Variants in SENP8 observed in about 807,000 individuals in gnomAD.
The protein encoded by SENP8 is SUMO peptidase family member, NEDD8 specific.
SENP8 carries 10 observed loss-of-function variants against 14.4 expected under a neutral mutation model. The ratio of observed to expected loss-of-function variants is 0.69; its 90% CI spans 0.43 to 1.18. SENP8 has a LOEUF of 1.18. Among genes scored for constraint, SENP8 ranks in the 50% most tolerant of loss-of-function variants. SENP8 has a pLI of 0.00. For synonymous variants in SENP8, 94 were observed against 95.5 expected, an observed-to-expected ratio of 0.98 and a Z score of 0.09; for missense variants, 202 against 249.4, an observed-to-expected ratio of 0.81 and a Z score of 1.28.
rs893878705 is a variant in SENP8, at chr15:72,142,297, T to G, written c.*2035T>G. ...AGTATGTCATTTGTAAATGTTAGCA[T>G]TATAAATTGCAGGAGAATTTAAGAA... is the stretch of plus-strand genomic sequence containing the variant. On this transcript the variant is annotated 3_prime_UTR_variant, in exon 2 of 2. Coordinates refer to ENST00000340912, the MANE Select transcript of SENP8 (RefSeq NM_145204.4). 3 of 152,224 alleles carry G rather than the reference T, an allele frequency of 2.0e-5. No individual in the cohort carries two copies. The highest frequency in any genetic ancestry group is 2.9e-5 in the Non-Finnish European group (2 of 68,038). 9.4% of individuals were successfully genotyped at this position (152,224 alleles called of 1,614,324 possible). A position where few individuals can be genotyped will look rare whatever the true frequency, so the allele number is the denominator to read the frequency against.
At chr15:72,119,293 A>C (rs990460221) in intron 1 of SENP8, among the ~76,000 whole-genome samples, 2 of 152,202 alleles carry the variant, frequency 1.3e-5, no homozygotes, top group Admixed American at 1.3e-4. Flanking sequence ...CTTTTTGTTA[A>C]ATAAAACCAA....
rs1362352235 is a variant in SENP8, at chr15:72,141,335, T to G, written c.*1073T>G. The stretch of plus-strand genomic sequence containing the variant: ...TAATTAAAAATGCAGGGAATGTAAT[T>G]TGTAAAATGTGGAACCAAGAGTAGA... On this transcript the variant is annotated 3_prime_UTR_variant, in exon 2 of 2. Coordinates refer to ENST00000340912, the MANE Select transcript of SENP8 (RefSeq NM_145204.4). 1.3e-5 allele frequency: 2 copies of G among 152,162 alleles called. No homozygotes were observed. The highest frequency in any genetic ancestry group is 2.9e-5 in the Non-Finnish European group (2 of 68,016). The allele number at this position is 152,162 out of a possible 1,614,324, so 9.4% of individuals were successfully genotyped here.
chr15:72,134,833 T>G, intron 1 of SENP8: 1 of 281,496 alleles, frequency 3.6e-6, no homozygotes, highest in Non-Finnish European at 7.0e-6. Context: ...TGGAAGAGTT[T>G]ACAGTGATAC....
intron 1 of SENP8, chr15:72,134,903 A>G: frequency 6.9e-6 from 2 of 288,332 alleles, no homozygotes; most frequent in South Asian, 7.4e-5. Flanking sequence ...CAAGAGAATT[A>G]ACGTGCATAT....
chr15:72,114,868 C>T (rs1250692624), upstream of SENP8, among the ~76,000 whole-genome samples: 1 of 152,194 alleles, frequency 6.6e-6, no homozygotes, highest in Non-Finnish European at 1.5e-5. Context: ...ATCACTCCAA[C>T]TAAAAACCTT....
chr15:72,130,624 C>T (rs182541071), intron 1 of SENP8, among the ~76,000 whole-genome samples: 3 of 134,046 alleles, frequency 2.2e-5, no homozygotes, highest in Admixed American at 8.9e-5. Context: ...AGTGCAATGG[C>T]GTGATCTCGG....
At chr15:72,124,599 G>T (rs2081198741) in intron 1 of SENP8, among the ~76,000 whole-genome samples, 2 of 152,118 alleles carry the variant, frequency 1.3e-5, no homozygotes, top group East Asian at 3.8e-4. Context: ...AAATATTTGT[G>T]TTTGAACATT....
chr15:72,115,354 A>G (rs980855689), upstream of SENP8, among the ~76,000 whole-genome samples: 1 of 152,198 alleles, frequency 6.6e-6, no homozygotes, highest in Admixed American at 6.5e-5. Flanking sequence ...ACAGAACTAC[A>G]GTCACCTAAA....
At chr15:72,116,365 C>G (rs938342445), upstream of SENP8, among the ~76,000 whole-genome samples, 1 of 152,118 alleles carries the variant, frequency 6.6e-6, no homozygotes, top group South Asian at 2.1e-4. Flanking sequence ...ACGTACTGAT[C>G]ATTTGATGCA....
intron 1 of SENP8, among the ~76,000 whole-genome samples, chr15:72,139,112 G>T (rs1419584425): frequency 6.6e-6 from 1 of 150,916 alleles, no homozygotes; most frequent in Non-Finnish European, 1.5e-5. Context: ...TTTTGTAAAT[G>T]TATTATATAC....
In SENP8 at chr15:72,140,227, T is replaced by C. The variant is rs2140529437; in HGVS notation, c.604T>C (p.Trp202Arg). Residue 202 changes from tryptophan to arginine, a missense_variant, in exon 2 of 2, where the codon TGG becomes CGG. Physicochemically the swap from Trp to Arg is moderately radical, Grantham distance 101 (BLOSUM62 -3). Coordinates refer to ENST00000340912, the MANE Select transcript of SENP8 (RefSeq NM_145204.4). Reference protein sequence around the residue: ...PAYITKKRGEWKDLITTLAKK With the variant: ...PAYITKKRGERKDLITTLAKK ...ATACATCACAAAGAAGAGGGGAGAA[T>C]GGAAAGATCTCATTACCACACTTGC... The C allele has an allele frequency of 1.2e-6, 2 of 1,613,850 alleles. No homozygotes were observed. Among genetic ancestry groups the C allele is most frequent in the South Asian group, 2.2e-5 (2 of 90,998 alleles).
intron 1 of SENP8, among the ~76,000 whole-genome samples, chr15:72,132,222 G>A (rs1394804480): frequency 4.6e-5 from 7 of 152,038 alleles, no homozygotes; most frequent in Non-Finnish European, 1.0e-4. Flanking sequence ...CTCCCCAGTT[G>A]ACTCACCTTT....
chr15:72,118,932 TA>T (rs1489168321), intron 1 of SENP8, among the ~76,000 whole-genome samples: 1 of 152,072 alleles, frequency 6.6e-6, no homozygotes, highest in Non-Finnish European at 1.5e-5. Flanking sequence ...AGGACTGTGT[TA>T]AAAGACTAGT....
Position 72,140,259 on chromosome 15 carries a change from G to A in SENP8, c.636G>A (p.Lys212=). The A allele has an allele frequency of 3.1e-6, 5 of 1,610,152 alleles. No homozygotes were observed. The highest frequency in any genetic ancestry group is 4.2e-6 in the Non-Finnish European group (5 of 1,176,814). The change falls in exon 2 of 2, where the codon AAG becomes AAA. Residue 212 remains lysine, a synonymous_variant. Coordinates refer to ENST00000340912, the MANE Select transcript of SENP8 (RefSeq NM_145204.4). ...WKDLITTLAK[K] ...ATCTCATTACCACACTTGCTAAAAA[G>A]TAGCTATTGAAGTATATTTGCGACT...
upstream of SENP8, among the ~76,000 whole-genome samples, chr15:72,115,836 A>T (rs965388907): frequency 6.6e-6 from 1 of 152,154 alleles, no homozygotes; most frequent in Non-Finnish European, 1.5e-5. Context: ...TCACAAAATT[A>T]TTTAAACATA....
intron 1 of SENP8, among the ~76,000 whole-genome samples, chr15:72,128,121 A>C (rs1269387588): frequency 6.7e-6 from 1 of 150,350 alleles, no homozygotes; most frequent in Non-Finnish European, 1.5e-5. Context: ...GGGAGAGGGG[A>C]GAGAGGGAGG....
rs199559692 is a variant in SENP8, at chr15:72,140,173, G to A, written c.550G>A (p.Glu184Lys). 5.6e-6 allele frequency: 9 copies of A among 1,614,100 alleles called. No homozygotes were observed. In the Admixed American group the frequency reaches 1.3e-4, roughly 24 times the overall value. Residue 184 changes from glutamate (E) to lysine (K), a missense_variant, in exon 2 of 2, where the codon GAA becomes AAA. Glu to Lys is a moderately conservative substitution (Grantham distance 56). Transcript: ENST00000340912. Reference protein sequence around the residue: ...LCQNFFRQQTESLLQLLTPAY... With the variant: ...LCQNFFRQQTKSLLQLLTPAY... The stretch of plus-strand genomic sequence containing the variant: ...TCAGAACTTCTTTAGGCAACAGACA[G>A]AATCACTGCTGCAGCTACTCACCCC...
chr15:72,119,747 C>T (rs534977538), intron 1 of SENP8, among the ~76,000 whole-genome samples: 2 of 152,124 alleles, frequency 1.3e-5, no homozygotes, highest in African/African-American at 4.8e-5. Flanking sequence ...GACTCCGTCC[C>T]CGCCCCCAGA....
At chr15:72,115,106 G>A (rs1003011536), upstream of SENP8, among the ~76,000 whole-genome samples, 14 of 152,174 alleles carry the variant, frequency 9.2e-5, no homozygotes, top group African/African-American at 2.7e-4. Flanking sequence ...TCATATATTA[G>A]ATAGTGAATC....
Sources: allele counts gnomAD v4.1 joint callset (sites outside exome capture counted in the v4.1 genomes callset), GRCh38; gene constraint gnomAD v4.1.1; transcripts MANE v1.5; gene names NCBI Gene and HGNC (gene_info 2026-07-23, HGNC 2026-07-21).